The following CDH13 variants were observed in gnomAD, a reference collection of about 807,000 sequenced individuals.
The protein encoded by CDH13 is cadherin-13.
Under a neutral mutation model 63.8 loss-of-function variants are expected in CDH13, and 24 were observed. The observed-to-expected ratio is 0.38, with a 90% CI of 0.27 to 0.53. The LOEUF (loss-of-function observed/expected upper bound fraction) is 0.53, where lower values mean the gene tolerates loss of function less well. CDH13 is among the 20% of genes least tolerant of loss of function. The probability of loss-of-function intolerance (pLI) is 0.85; values close to 1 mark genes in which losing one functional copy is unlikely to be tolerated. For missense variants in CDH13, 1,049 were observed against 903.1 expected (o/e 1.16, Z -2.07); for synonymous variants, 503 against 355.3 (o/e 1.42, Z -4.67).
chr16:82,769,177 A>G (rs762480951), intron 1 of CDH13, among the ~76,000 whole-genome samples: 4 of 152,200 alleles, frequency 2.6e-5, no homozygotes, highest in South Asian at 2.1e-4. Context: ...ATCATATTTA[A>G]TTAACCCAAC....
intron 2 of CDH13, among the ~76,000 whole-genome samples, chr16:82,870,751 T>TA (rs1313237591): frequency 1.3e-5 from 2 of 152,226 alleles, no homozygotes; most frequent in African/African-American, 4.8e-5. Context: ...AGGTCCCCTC[T>TA]AAAAATATAC....
At chr16:83,079,866 T>C (rs1434416142) in intron 3 of CDH13, among the ~76,000 whole-genome samples, 2 of 152,220 alleles carry the variant, frequency 1.3e-5, no homozygotes, top group East Asian at 3.8e-4. Context: ...TAAATTTCTC[T>C]GGGGAAACAA....
chr16:83,465,410 G>A (rs1268018650), intron 6 of CDH13, among the ~76,000 whole-genome samples: 2 of 152,204 alleles, frequency 1.3e-5, no homozygotes, highest in Admixed American at 6.5e-5. Context: ...TTTGGAGTTG[G>A]AATAGCTCTT....
intron 4 of CDH13, among the ~76,000 whole-genome samples, chr16:83,147,635 C>T (rs140178904): frequency 5.8e-4 from 88 of 152,288 alleles, no homozygotes; most frequent in African/African-American, 2.1e-3. Flanking sequence ...TTTCCAGAGT[C>T]AGAGTGGGCT....
intron 1 of CDH13, among the ~76,000 whole-genome samples, chr16:82,752,030 T>C (rs967492906): frequency 4.6e-5 from 7 of 152,104 alleles, no homozygotes; most frequent in African/African-American, 1.7e-4. Context: ...CTCTAAGAAA[T>C]CAACTGACAA....
At chr16:82,903,789 A>ATAGGGAAGG in intron 2 of CDH13, among the ~76,000 whole-genome samples, 1 of 152,256 alleles carries the variant, frequency 6.6e-6, no homozygotes, top group Admixed American at 6.5e-5. Context: ...GAGCACCTTC[A>ATAGGGAAGG]TAGGGAAGGT....
chr16:83,067,102 G>C (rs1436753479), intron 3 of CDH13, among the ~76,000 whole-genome samples: 1 of 152,104 alleles, frequency 6.6e-6, no homozygotes, highest in Non-Finnish European at 1.5e-5. Flanking sequence ...CCATCAATTA[G>C]GTAGTAGAGT....
chr16:83,527,197 C>G (rs748690377), intron 7 of CDH13, among the ~76,000 whole-genome samples: 1 of 152,022 alleles, frequency 6.6e-6, no homozygotes, highest in African/African-American at 2.4e-5. Context: ...CACCTGTAAT[C>G]TCAGTGCTTT....
chr16:82,717,764 T>C lies in CDH13; in HGVS notation c.45+90627T>C, dbSNP rs76675930. The stretch of plus-strand genomic sequence containing the variant: ...ATCATTAATTTGGCCACATCTGCAA[T>C]GTCTTTACCACAAAAGTTAATATAG... On this transcript the variant is annotated intron_variant, in intron 1 of 13. Coordinates refer to ENST00000567109, the MANE Select transcript of CDH13 (RefSeq NM_001257.5). Among the ~76,000 whole-genome samples the C allele has an allele frequency of 4.5e-3, 691 of 152,324 alleles. 2 individuals carry two copies. The highest frequency in any genetic ancestry group is 7.7e-3 in the Non-Finnish European group (526 of 68,034).
chr16:82,648,765 A>T (rs1156690119), intron 1 of CDH13, among the ~76,000 whole-genome samples: 2 of 152,214 alleles, frequency 1.3e-5, no homozygotes, highest in Non-Finnish European at 2.9e-5. Context: ...AAAGTACAAG[A>T]AGAAAAAACC....
chr16:83,294,485 T>C (rs1338254708), intron 5 of CDH13, among the ~76,000 whole-genome samples: 4 of 152,138 alleles, frequency 2.6e-5, no homozygotes, highest in Non-Finnish European at 5.9e-5. Flanking sequence ...GGAATGAGAC[T>C]ATGTGGTATT....
intron 6 of CDH13, among the ~76,000 whole-genome samples, chr16:83,370,126 G>T (rs1361286732): frequency 6.6e-6 from 1 of 152,098 alleles, no homozygotes; most frequent in Non-Finnish European, 1.5e-5. Context: ...GGTGGCTCAC[G>T]CCTGTAATCC....
At chr16:82,839,077 G>A (rs542246723) in intron 1 of CDH13, among the ~76,000 whole-genome samples, 4 of 152,206 alleles carry the variant, frequency 2.6e-5, no homozygotes, top group Non-Finnish European at 5.9e-5. Flanking sequence ...CTGACAATAG[G>A]CTAAGATGTG....
intron 3 of CDH13, among the ~76,000 whole-genome samples, chr16:83,078,868 C>T (rs1042009070): frequency 6.6e-6 from 1 of 152,106 alleles, no homozygotes; most frequent in Non-Finnish European, 1.5e-5. Flanking sequence ...GATCTTGGCT[C>T]ACTGCAACCT....
chr16:83,077,708 T>C (rs1407408778), intron 3 of CDH13, among the ~76,000 whole-genome samples: 1 of 152,190 alleles, frequency 6.6e-6, no homozygotes, highest in Non-Finnish European at 1.5e-5. Context: ...CCTGTTTTTC[T>C]TTCGCTTGGG....
intron 11 of CDH13, among the ~76,000 whole-genome samples, chr16:83,759,365 C>T (rs2150984815): frequency 6.6e-6 from 1 of 152,102 alleles, no homozygotes; most frequent in East Asian, 1.9e-4. Flanking sequence ...GCATCCTGAC[C>T]CCCTCTTAAA....
chr16:83,507,886 G>C (rs549150527), intron 7 of CDH13, among the ~76,000 whole-genome samples: 89 of 151,528 alleles, frequency 5.9e-4, no homozygotes, highest in African/African-American at 1.9e-3. Context: ...ACAAAAATTA[G>C]CAGTCCGTGG....
chr16:83,098,930 T>A (rs2034337645), intron 3 of CDH13, among the ~76,000 whole-genome samples: 1 of 152,192 alleles, frequency 6.6e-6, no homozygotes, highest in Non-Finnish European at 1.5e-5. Flanking sequence ...TTGAGCCTGA[T>A]AATAACAATC....
chr16:82,812,320 A>G, intron 1 of CDH13, among the ~76,000 whole-genome samples: 1 of 152,176 alleles, frequency 6.6e-6, no homozygotes, highest in East Asian at 1.9e-4. Flanking sequence ...ATTTGCAATA[A>G]TTGAAGCTTG....
Sources: gnomAD v4.1 joint callset for allele counts (sites outside exome capture counted in the v4.1 genomes callset) on GRCh38, gnomAD v4.1.1 for gene constraint, MANE v1.5 for transcripts, NCBI Gene and HGNC (gene_info 2026-07-23, HGNC 2026-07-21) for gene names.